The following DCC variants were observed in gnomAD, a reference collection of about 807,000 sequenced individuals.
The protein encoded by DCC is DCC netrin 1 receptor, also known as netrin receptor DCC.
DCC carries 58 observed loss-of-function variants against 172.5 expected under a neutral mutation model. The ratio of observed to expected loss-of-function variants is 0.34; its 90% confidence interval spans 0.27 to 0.42. The LOEUF (loss-of-function observed/expected upper bound fraction) is 0.42, where lower values mean the gene tolerates loss of function less well. DCC is among the 10% of genes least tolerant of loss of function. The probability of loss-of-function intolerance (pLI) is 1.00; values close to 1 mark genes in which losing one functional copy is unlikely to be tolerated. For synonymous variants in DCC, 709 were observed against 644.5 expected (o/e 1.10, Z -1.52); for missense variants, 1,740 against 1,791.0 (o/e 0.97, Z 0.51).
intron 8 of DCC, among the ~76,000 whole-genome samples, chr18:53,169,026 C>A (rs1253319929): frequency 6.6e-6 from 1 of 152,152 alleles, no homozygotes; most frequent in Non-Finnish European, 1.5e-5. Flanking sequence ...TATTATAATG[C>A]AATACATTTA....
intron 2 of DCC, among the ~76,000 whole-genome samples, chr18:52,788,522 G>T (rs2037702023): frequency 6.6e-6 from 1 of 152,096 alleles, no homozygotes; most frequent in Non-Finnish European, 1.5e-5. Context: ...CTTGCATTTT[G>T]CCAATAATCC....
intron 1 of DCC, among the ~76,000 whole-genome samples, chr18:52,470,246 G>T (rs1988908868): frequency 6.6e-6 from 1 of 152,160 alleles, no homozygotes; most frequent in Non-Finnish European, 1.5e-5. Context: ...GGCTCAGTTA[G>T]CTGTAGGTTT....
At chr18:52,435,686 A>G (rs1281763483) in intron 1 of DCC, among the ~76,000 whole-genome samples, 1 of 152,066 alleles carries the variant, frequency 6.6e-6, no homozygotes, top group Non-Finnish European at 1.5e-5. Flanking sequence ...CTTGAGATTG[A>G]TATTTGCCAT....
intron 2 of DCC, among the ~76,000 whole-genome samples, chr18:52,796,072 C>T (rs2212799): frequency 0.98 from 143,990 of 147,032 alleles, 70,573 homozygotes; most frequent in East Asian, 1. Context: ...TTTTTTTTTT[C>T]TGCTTTTGGT....
rs182206028 is a variant in DCC at position 52,815,136 on chromosome 18, T to C, written c.412+62762T>C. On this transcript the variant is annotated intron_variant, in intron 2 of 28. Coordinates refer to ENST00000442544, the MANE Select transcript of DCC (RefSeq NM_005215.4). ...GATGAGAGATACCATCCAAATAAAA[T>C]GAAATACAGGCTTAATAATTTTGGT... 8.4e-4 allele frequency among the ~76,000 whole-genome samples: 128 copies of C among 152,234 alleles called. 1 individual carries two copies. The highest frequency in any genetic ancestry group is 1.4e-3 in the Non-Finnish European group (96 of 68,006).
chr18:53,215,128 T>C (rs758728324), intron 11 of DCC, among the ~76,000 whole-genome samples: 1 of 152,164 alleles, frequency 6.6e-6, no homozygotes, highest in Non-Finnish European at 1.5e-5. Context: ...TGGCTGACCA[T>C]TAGAATGACA....
Position 52,340,736 on chromosome 18 carries a change from G to T in DCC, c.-52G>T. ...TGCATGCGTGTGTGAGTGCATGTGT[G>T]TGAGTGCTGCCGCTGCCCGCGACCC... On this transcript the variant is annotated 5_prime_UTR_variant, in exon 1 of 29. Coordinates refer to ENST00000442544, the MANE Select transcript of DCC (RefSeq NM_005215.4). 1 of 1,358,882 alleles carries T rather than the reference G, an allele frequency of 7.4e-7. No individual in the cohort carries two copies. Among genetic ancestry groups the T allele is most frequent in the Admixed American group, 1.7e-5 (1 of 59,718 alleles). The allele number at this position is 1,358,882 out of a possible 1,614,324, so 84.2% of individuals were successfully genotyped here.
intron 7 of DCC, among the ~76,000 whole-genome samples, chr18:53,070,006 A>C (rs1447323019): frequency 6.7e-6 from 1 of 149,942 alleles, no homozygotes; most frequent in Non-Finnish European, 1.5e-5. Context: ...TTGAGACAGA[A>C]TCTCACTCTG....
chr18:52,745,035 T>C (rs2036885444), intron 1 of DCC, among the ~76,000 whole-genome samples: 1 of 152,178 alleles, frequency 6.6e-6, no homozygotes, highest in Admixed American at 6.5e-5. Context: ...TAATTTTGCT[T>C]AATGGGGTAA....
intron 23 of DCC, among the ~76,000 whole-genome samples, chr18:53,454,999 A>G (rs2045466307): frequency 6.6e-6 from 1 of 152,214 alleles, no homozygotes; most frequent in Non-Finnish European, 1.5e-5. Flanking sequence ...ACTAACTGCT[A>G]TTAATCAAAA....
At chr18:53,500,606 G>T (rs1212084410) in intron 27 of DCC, among the ~76,000 whole-genome samples, 1 of 151,288 alleles carries the variant, frequency 6.6e-6, no homozygotes, top group East Asian at 1.9e-4. Context: ...CTAGTTGCTG[G>T]GATGACATTA....
intron 5 of DCC, among the ~76,000 whole-genome samples, chr18:52,970,702 C>T (rs1175100494): frequency 6.6e-6 from 1 of 152,152 alleles, no homozygotes; most frequent in Non-Finnish European, 1.5e-5. Flanking sequence ...TGGGGAGGTA[C>T]TTGCCATTCA....
intron 2 of DCC, among the ~76,000 whole-genome samples, chr18:52,886,252 C>A (rs1716934061): frequency 6.6e-6 from 1 of 151,988 alleles, no homozygotes; most frequent in Non-Finnish European, 1.5e-5. Context: ...GTCTTTGTGT[C>A]CTACAGTGCC....
intron 1 of DCC, among the ~76,000 whole-genome samples, chr18:52,516,049 A>G (rs995193412): frequency 2.0e-5 from 3 of 152,150 alleles, no homozygotes; most frequent in African/African-American, 7.2e-5. Flanking sequence ...AAACCACAAT[A>G]TAATGTCACT....
intron 1 of DCC, among the ~76,000 whole-genome samples, chr18:52,628,492 C>A (rs12606567): frequency 1.3e-5 from 2 of 152,064 alleles, no homozygotes; most frequent in Non-Finnish European, 2.9e-5. Context: ...TACAAACTTG[C>A]CTTCATCTGT....
intron 15 of DCC, among the ~76,000 whole-genome samples, chr18:53,362,193 G>A (rs2057955257): frequency 6.6e-6 from 1 of 152,048 alleles, no homozygotes; most frequent in Non-Finnish European, 1.5e-5. Flanking sequence ...CTTTGGGGAC[G>A]ATTATTTTGA....
chr18:53,359,668 T>C (rs1054483702), intron 15 of DCC, among the ~76,000 whole-genome samples: 2 of 152,172 alleles, frequency 1.3e-5, no homozygotes, highest in Non-Finnish European at 1.5e-5. Context: ...GAATGAGCCA[T>C]GAAAAGGAAA....
intron 14 of DCC, among the ~76,000 whole-genome samples, chr18:53,339,386 G>A (rs866606055): frequency 5.9e-5 from 9 of 151,912 alleles, no homozygotes; most frequent in African/African-American, 2.2e-4. Flanking sequence ...CATCTGCCTT[G>A]GTTTTCACCC....
intron 7 of DCC, among the ~76,000 whole-genome samples, chr18:53,078,303 G>A (rs570981348): frequency 6.6e-6 from 1 of 152,132 alleles, no homozygotes; most frequent in East Asian, 1.9e-4. Flanking sequence ...AAGCAAGTAA[G>A]TAAATACATA....
Sources: allele counts gnomAD v4.1 joint callset (sites outside exome capture counted in the v4.1 genomes callset), GRCh38; gene constraint gnomAD v4.1.1; transcripts MANE v1.5; gene names NCBI Gene and HGNC (gene_info 2026-07-23, HGNC 2026-07-21).